The following GRM7 variants were observed in gnomAD, a reference collection of about 807,000 sequenced individuals.
GRM7 encodes the protein glutamate metabotropic receptor 7.
In GRM7, 35 loss-of-function variants were observed where a neutral mutation model predicts 84.5. That is an observed-to-expected ratio of 0.41 (90% CI 0.32 to 0.55). The LOEUF is 0.55. Among genes scored for constraint, GRM7 ranks in the 20% least tolerant of loss-of-function variants. The pLI, the probability that GRM7 is intolerant of heterozygous loss-of-function variation, is 0.19. For missense variants in GRM7, 1,003 were observed against 1,194.6 expected (o/e 0.84, Z 2.36); for synonymous variants, 487 against 455.1 (o/e 1.07, Z -0.89).
At chr3:7,301,907 C>G (rs1336843256) in intron 3 of GRM7, among the ~76,000 whole-genome samples, 1 of 152,030 alleles carries the variant, frequency 6.6e-6, no homozygotes, top group Non-Finnish European at 1.5e-5. Flanking sequence ...GATACTTTGT[C>G]AAAGGCTAGC....
chr3:7,699,765 C>T (rs1359616839), intron 9 of GRM7, among the ~76,000 whole-genome samples: 1 of 152,060 alleles, frequency 6.6e-6, no homozygotes, highest in Non-Finnish European at 1.5e-5. Flanking sequence ...TTCTAACCAA[C>T]TTTATAGTTT....
At chr3:7,409,274 T>C (rs976327407) in intron 4 of GRM7, among the ~76,000 whole-genome samples, 1 of 152,142 alleles carries the variant, frequency 6.6e-6, no homozygotes, top group African/African-American at 2.4e-5. Context: ...TGTCTATCTC[T>C]AGGCAAGAAA....
At chr3:6,902,358 A>G (rs7634694) in intron 1 of GRM7, among the ~76,000 whole-genome samples, 60,770 of 152,050 alleles carry the variant, frequency 0.4, 12,955 homozygotes, top group African/African-American at 0.52. Flanking sequence ...TTAGGCAACC[A>G]CAATGTCTGG....
intron 8 of GRM7, among the ~76,000 whole-genome samples, chr3:7,626,593 C>T (rs1370930455): frequency 1.3e-5 from 2 of 152,178 alleles, no homozygotes; most frequent in Non-Finnish European, 2.9e-5. Flanking sequence ...GACAGCAATG[C>T]TTGGTGTTTC....
At chr3:7,024,041 C>T (rs1454488492) in intron 1 of GRM7, among the ~76,000 whole-genome samples, 1 of 152,182 alleles carries the variant, frequency 6.6e-6, no homozygotes, top group Admixed American at 6.5e-5. Context: ...AGCAGGCCCA[C>T]TCCCTTACAG....
chr3:7,403,559 A>C (rs1329939017), intron 4 of GRM7, among the ~76,000 whole-genome samples: 6 of 148,226 alleles, frequency 4.0e-5, no homozygotes, highest in Non-Finnish European at 8.9e-5. Context: ...AACTATGGCA[A>C]ATGTACGTCC....
rs1695595283 is a variant in GRM7 at position 7,188,545 on chromosome 3, C to CA, written c.736+41883dup. On this transcript the variant is annotated intron_variant, in intron 2 of 9. Coordinates refer to ENST00000357716, the MANE Select transcript of GRM7 (RefSeq NM_000844.4). The surrounding 1 kb of genome is among the most constrained non-coding windows in gnomAD (Gnocchi z 4.2). ...AAAATATTTACTATCTAGAAATTTA[C>CA]AAAAAATGTTGCCTGATCCCTGCAG... is the stretch of plus-strand genomic sequence containing the variant. Among the ~76,000 whole-genome samples, 1 of 152,052 alleles carries CA rather than the reference C, an allele frequency of 6.6e-6. No homozygotes were observed. Among genetic ancestry groups the CA allele is most frequent in the Non-Finnish European group, 1.5e-5 (1 of 67,996 alleles).
intron 2 of GRM7, among the ~76,000 whole-genome samples, chr3:7,226,489 G>A (rs143388271): frequency 3.9e-5 from 6 of 152,242 alleles, no homozygotes; most frequent in Non-Finnish European, 7.3e-5. Flanking sequence ...CAGCAGAAGC[G>A]TCTCGAACTC....
chr3:6,909,075 A>G (rs1696679357), intron 1 of GRM7, among the ~76,000 whole-genome samples: 1 of 152,168 alleles, frequency 6.6e-6, no homozygotes, highest in African/African-American at 2.4e-5. Flanking sequence ...TCAAAAACTT[A>G]TGACCCTAGG....
At chr3:7,596,867 G>A (rs1201833156) in intron 8 of GRM7, among the ~76,000 whole-genome samples, 1 of 152,140 alleles carries the variant, frequency 6.6e-6, no homozygotes. Flanking sequence ...GGTGGAGAGG[G>A]TTATAGGATC....
chr3:7,321,166 A>T (rs556228277), intron 4 of GRM7, among the ~76,000 whole-genome samples: 2 of 152,198 alleles, frequency 1.3e-5, no homozygotes, highest in South Asian at 4.1e-4. Context: ...TAATGCAGAA[A>T]GATATAGCTA....
intron 6 of GRM7, among the ~76,000 whole-genome samples, chr3:7,458,277 A>G (rs1297246244): frequency 2.0e-5 from 3 of 152,040 alleles, no homozygotes; most frequent in East Asian, 3.9e-4. Context: ...CTTTTGCCCT[A>G]GTGTACCTGC....
intron 1 of GRM7, among the ~76,000 whole-genome samples, chr3:7,133,839 C>A (rs903010008): frequency 3.9e-5 from 6 of 152,084 alleles, no homozygotes; most frequent in African/African-American, 4.8e-5. Context: ...TTATATTTCT[C>A]CTTTGCTTTT....
intron 1 of GRM7, among the ~76,000 whole-genome samples, chr3:6,865,272 G>A (rs1009201612): frequency 4.6e-5 from 7 of 152,188 alleles, no homozygotes; most frequent in African/African-American, 1.7e-4. Flanking sequence ...TCATCACAGA[G>A]TTGGGATGGC....
chr3:6,973,643 TA>T (rs2125097123), intron 1 of GRM7, among the ~76,000 whole-genome samples: 1 of 152,190 alleles, frequency 6.6e-6, no homozygotes, highest in South Asian at 2.1e-4. Context: ...AGGAAGAAAG[TA>T]AAAGTGATTC....
chr3:7,107,289 C>T (rs1378658847), intron 1 of GRM7, among the ~76,000 whole-genome samples: 1 of 151,962 alleles, frequency 6.6e-6, no homozygotes, highest in African/African-American at 2.4e-5. Flanking sequence ...GTGTCTGATG[C>T]CTAGTAGGAG....
chr3:7,267,867 T>C (rs1698703754), intron 2 of GRM7, among the ~76,000 whole-genome samples: 2 of 152,104 alleles, frequency 1.3e-5, no homozygotes, highest in Non-Finnish European at 1.5e-5. Context: ...AAATCTAAGT[T>C]TCTAGTTTTA....
intron 1 of GRM7, among the ~76,000 whole-genome samples, chr3:6,969,554 T>C (rs1426414573): frequency 4.6e-5 from 7 of 152,196 alleles, no homozygotes; most frequent in Admixed American, 4.6e-4. Context: ...TAAAGAGCTC[T>C]GTCAGGTTCC....
chr3:7,300,559 C>T (rs914331579), intron 3 of GRM7, among the ~76,000 whole-genome samples: 1 of 152,058 alleles, frequency 6.6e-6, no homozygotes, highest in East Asian at 1.9e-4. Context: ...GGCTGTTTCA[C>T]CTTTCTAGTC....
Sources: gnomAD v4.1 joint callset for allele counts (sites outside exome capture counted in the v4.1 genomes callset) on GRCh38, gnomAD v4.1.1 for gene constraint, Gnocchi (gnomAD v3.1) non-coding constraint, MANE v1.5 for transcripts, NCBI Gene and HGNC (gene_info 2026-07-23, HGNC 2026-07-21) for gene names.